FSTL4: variants seen among roughly 807,000 people sequenced by gnomAD.
FSTL4 encodes follistatin-related protein 4.
A neutral mutation model predicts 78.2 loss-of-function variants in FSTL4; 28 were observed. The ratio of observed to expected loss-of-function variants is 0.36; its 90% CI spans 0.27 to 0.49. The LOEUF (loss-of-function observed/expected upper bound fraction) is 0.49. FSTL4 is among the 20% of genes least tolerant of loss of function. The pLI is 0.98. For missense variants in FSTL4, 922 were observed against 1,084.9 expected (o/e 0.85, Z 2.11); for synonymous variants, 422 against 440.5 (o/e 0.96, Z 0.53).
chr5:133,418,134 G>T (rs1446497640), intron 3 of FSTL4, among the ~76,000 whole-genome samples: 1 of 151,554 alleles, frequency 6.6e-6, no homozygotes, highest in Non-Finnish European at 1.5e-5. Context: ...ACTAGAAAAC[G>T]AGTAATAGAG....
chr5:133,782,801 T>C, the FSTL4 span, among the ~76,000 whole-genome samples: 20 of 152,176 alleles, frequency 1.3e-4, no homozygotes, highest in Admixed American at 3.3e-4. Flanking sequence ...CCTGTTTCCC[T>C]CAGAAACTAT....
At chr5:133,270,965 C>T (rs910488723) in intron 6 of FSTL4, among the ~76,000 whole-genome samples, 12 of 152,200 alleles carry the variant, frequency 7.9e-5, no homozygotes, top group Non-Finnish European at 1.3e-4. Flanking sequence ...ATCCTTGGAA[C>T]TCAAACACTT....
chr5:133,682,622 C>T, the FSTL4 span, among the ~76,000 whole-genome samples: 2 of 152,208 alleles, frequency 1.3e-5, no homozygotes, highest in South Asian at 4.1e-4. Flanking sequence ...AATTTGTGCA[C>T]CATTTGTCAC....
intron 4 of FSTL4, among the ~76,000 whole-genome samples, chr5:133,327,409 G>GTTTTAA (rs2126904188): frequency 6.6e-6 from 1 of 152,324 alleles, no homozygotes; most frequent in African/African-American, 2.4e-5. Context: ...CACAGTTTTA[G>GTTTTAA]CAAACATGCT....
At chr5:133,421,222 G>A (rs878968151) in intron 3 of FSTL4, among the ~76,000 whole-genome samples, 2 of 152,232 alleles carry the variant, frequency 1.3e-5, no homozygotes, top group Non-Finnish European at 2.9e-5. Context: ...CAGGCTGATA[G>A]CACCATGGTG....
chr5:133,349,410 C>A (rs1754774601), intron 4 of FSTL4, among the ~76,000 whole-genome samples: 1 of 152,130 alleles, frequency 6.6e-6, no homozygotes, highest in African/African-American at 2.4e-5. Flanking sequence ...CATTGACCCA[C>A]AAGGCACAAC....
intron 13 of FSTL4, among the ~76,000 whole-genome samples, chr5:133,213,346 G>A (rs961471762): frequency 3.3e-5 from 5 of 152,180 alleles, no homozygotes; most frequent in Non-Finnish European, 7.3e-5. Context: ...AAGAAAAACT[G>A]TGAGAATCTG....
the FSTL4 span, among the ~76,000 whole-genome samples, chr5:133,635,187 G>C: frequency 0.016 from 2,482 of 152,258 alleles, 69 homozygotes; most frequent in African/African-American, 0.057. Context: ...AGGAAGAGAG[G>C]ATACATTGGT....
Position 133,400,928 on chromosome 5 carries a change from C to T in FSTL4, c.219G>A (p.Gly73=), listed in dbSNP as rs766708091. ...ASCGKKFCSR[G]SRCVLSRKTG... ...TCTTCCTGCTGAGCACGCACCGGCTCCCTCGGCTGCAGAACTTCTTCCCGC... is the reference window on the plus strand; with the variant it reads ...TCTTCCTGCTGAGCACGCACCGGCTTCCTCGGCTGCAGAACTTCTTCCCGC... The change falls in exon 4 of 16, where the codon GGG becomes GGA. Residue 73 remains glycine, a synonymous_variant. Transcript: ENST00000265342. 8 of 1,613,352 alleles carry T rather than the reference C, an allele frequency of 5.0e-6. No homozygotes were observed. The Admixed American group carries it at 1.2e-4, about 24-fold the overall frequency.
intron 6 of FSTL4, among the ~76,000 whole-genome samples, chr5:133,271,843 G>A (rs553272063): frequency 6.6e-6 from 1 of 152,216 alleles, no homozygotes; most frequent in Non-Finnish European, 1.5e-5. Context: ...CAGTTTTCTA[G>A]GTCATACAAA....
At chr5:133,675,392 C>A in the FSTL4 span, among the ~76,000 whole-genome samples, 28 of 152,178 alleles carry the variant, frequency 1.8e-4, no homozygotes, top group Non-Finnish European at 1.5e-5. Flanking sequence ...ATTTTTAAAC[C>A]AGCCATTCTT....
chr5:133,566,646 A>G (rs1001114672), intron 3 of FSTL4, among the ~76,000 whole-genome samples: 1 of 152,254 alleles, frequency 6.6e-6, no homozygotes. Context: ...TGTTTACCTC[A>G]GAGACCATAA....
chr5:133,213,097 G>A (rs1750792471), intron 13 of FSTL4, among the ~76,000 whole-genome samples: 1 of 149,300 alleles, frequency 6.7e-6, no homozygotes. Flanking sequence ...CTGCCTCCCA[G>A]GTTCAAGTGA....
the FSTL4 span, among the ~76,000 whole-genome samples, chr5:133,808,467 C>T: frequency 6.6e-6 from 1 of 152,184 alleles, no homozygotes; most frequent in East Asian, 1.9e-4. Context: ...TGTCCTCAAA[C>T]CCACCCAGGC....
At chr5:133,758,720 T>C in the FSTL4 span, among the ~76,000 whole-genome samples, 1 of 152,230 alleles carries the variant, frequency 6.6e-6, no homozygotes, top group Non-Finnish European at 1.5e-5. Context: ...TTTGAAATAA[T>C]AAACATGTAT....
chr5:133,472,773 A>G (rs1313114395), intron 3 of FSTL4, among the ~76,000 whole-genome samples: 1 of 152,266 alleles, frequency 6.6e-6, no homozygotes, highest in East Asian at 1.9e-4. Context: ...AAATGCTGAC[A>G]TGGCAAGGAC....
chr5:133,787,107 C>A, the FSTL4 span, among the ~76,000 whole-genome samples: 1 of 152,154 alleles, frequency 6.6e-6, no homozygotes, highest in Non-Finnish European at 1.5e-5. Flanking sequence ...CCCTGACTTT[C>A]AATAACCAAT....
At chr5:133,830,160 G>A in the FSTL4 span, among the ~76,000 whole-genome samples, 19 of 152,226 alleles carry the variant, frequency 1.2e-4, no homozygotes, top group Admixed American at 1.2e-3. Context: ...CCCTGACCCA[G>A]AACTGTGGGT....
intron 4 of FSTL4, among the ~76,000 whole-genome samples, chr5:133,365,999 A>G (rs1335121470): frequency 6.6e-6 from 1 of 151,584 alleles, no homozygotes; most frequent in Non-Finnish European, 1.5e-5. Flanking sequence ...TCCCAGTATT[A>G]CCCTCCTCTA....
Sources: allele counts gnomAD v4.1 joint callset (sites outside exome capture counted in the v4.1 genomes callset), GRCh38; gene constraint gnomAD v4.1.1; transcripts MANE v1.5; gene names NCBI Gene and HGNC (gene_info 2026-07-23, HGNC 2026-07-21).